Variants in TNNI3K observed in about 807,000 individuals in gnomAD.
TNNI3K encodes serine/threonine-protein kinase TNNI3K.
A neutral mutation model predicts 114.5 loss-of-function variants in TNNI3K; 140 were observed. The ratio of observed to expected loss-of-function variants is 1.22; its 90% CI spans 1.07 to 1.41. The LOEUF is 1.41. Among genes scored for constraint, TNNI3K ranks in the 40% most tolerant of loss-of-function variants. TNNI3K has a pLI of 0.00. For synonymous variants in TNNI3K, 347 were observed against 347.5 expected, an observed-to-expected ratio of 1.00 and a Z score of 0.02; for missense variants, 1,125 against 1,007.6, an observed-to-expected ratio of 1.12 and a Z score of -1.58.
At chr1:74,541,103 A>G (rs1248109794) in intron 24 of TNNI3K, among the ~76,000 whole-genome samples, 2 of 152,128 alleles carry the variant, frequency 1.3e-5, no homozygotes, top group Non-Finnish European at 2.9e-5. Context: ...TATTTGAAGG[A>G]CTGAAAAAGT....
At chr1:74,540,609 A>ATT (rs1310097538) in intron 24 of TNNI3K, among the ~76,000 whole-genome samples, 8 of 149,094 alleles carry the variant, frequency 5.4e-5, no homozygotes, top group African/African-American at 2.0e-4. Flanking sequence ...CTTTTTTTAA[A>ATT]AAAAAAAAAA....
intron 23 of TNNI3K, among the ~76,000 whole-genome samples, chr1:74,513,124 A>G (rs1467512700): frequency 6.6e-6 from 1 of 152,240 alleles, no homozygotes; most frequent in Admixed American, 6.5e-5. Flanking sequence ...CTCAGTCGAT[A>G]CTGTTTCACT....
chr1:74,507,340 C>G (rs968830034), intron 23 of TNNI3K, among the ~76,000 whole-genome samples: 2 of 151,652 alleles, frequency 1.3e-5, no homozygotes, highest in Non-Finnish European at 2.9e-5. Flanking sequence ...AGTTACCCAT[C>G]ATGTTTGCTG....
rs118074947 is a variant in TNNI3K, at chr1:74,443,912, A to G, written c.2011+4290A>G. On this transcript the variant is annotated intron_variant, in intron 20 of 24. Transcript: ENST00000326637. Reference sequence around the variant, plus strand: ...AAACAGAACTAAAGACAGAAACCTCATGATTATCTCAATAGATTCAGAAAA... The same window carrying G: ...AAACAGAACTAAAGACAGAAACCTCGTGATTATCTCAATAGATTCAGAAAA... Among the ~76,000 whole-genome samples the G allele has an allele frequency of 1.8e-4, 27 of 152,350 alleles. No homozygotes were observed. The East Asian group carries it at 4.2e-3, about 24-fold the overall frequency.
intron 21 of TNNI3K, among the ~76,000 whole-genome samples, chr1:74,473,886 C>A (rs507181): frequency 0.55 from 84,194 of 151,826 alleles, 23,565 homozygotes; most frequent in East Asian, 0.68. Flanking sequence ...GATCTAAAGT[C>A]CTCTCTACAC....
At chr1:74,484,469 A>G (rs966507707) in intron 21 of TNNI3K, among the ~76,000 whole-genome samples, 1 of 152,238 alleles carries the variant, frequency 6.6e-6, no homozygotes, top group Non-Finnish European at 1.5e-5. Context: ...AATATAAAAT[A>G]TGTATTAAGT....
intron 4 of TNNI3K, among the ~76,000 whole-genome samples, chr1:74,263,886 A>G (rs1490020844): frequency 1.3e-5 from 2 of 151,994 alleles, no homozygotes; most frequent in Non-Finnish European, 2.9e-5. Flanking sequence ...AAAAATTAGA[A>G]TATTCATTAT....
chr1:74,452,444 G>A (rs192232271), intron 20 of TNNI3K, among the ~76,000 whole-genome samples: 25 of 152,070 alleles, frequency 1.6e-4, no homozygotes, highest in African/African-American at 5.1e-4. Context: ...CTTTAGTCTC[G>A]TTTTATTTAT....
intron 5 of TNNI3K, among the ~76,000 whole-genome samples, chr1:74,301,827 G>T (rs1444815201): frequency 6.6e-6 from 1 of 152,144 alleles, no homozygotes; most frequent in Non-Finnish European, 1.5e-5. Flanking sequence ...TCCTGTGGTT[G>T]ACTAGAATAA....
chr1:74,539,028 C>T (rs1275418849), intron 23 of TNNI3K, among the ~76,000 whole-genome samples: 1 of 151,886 alleles, frequency 6.6e-6, no homozygotes, highest in African/African-American at 2.4e-5. Context: ...AAAGATCACC[C>T]TAGATAATAT....
At chr1:74,257,226 TATTAAG>T (rs1395448752) in intron 4 of TNNI3K, among the ~76,000 whole-genome samples, 10 of 152,186 alleles carry the variant, frequency 6.6e-5, no homozygotes, top group African/African-American at 2.4e-4. Flanking sequence ...GATTTTTATT[TATTAAG>T]ATTAATTAAG....
intron 20 of TNNI3K, among the ~76,000 whole-genome samples, chr1:74,451,361 A>G (rs568177309): frequency 1.2e-3 from 177 of 152,290 alleles, no homozygotes; most frequent in Non-Finnish European, 1.6e-3. Flanking sequence ...TTACTTATGT[A>G]ACAAACCTGC....
chr1:74,292,275 T>G (rs1417154589), intron 5 of TNNI3K, among the ~76,000 whole-genome samples: 1 of 151,510 alleles, frequency 6.6e-6, no homozygotes, highest in African/African-American at 2.4e-5. Context: ...TCATATAATT[T>G]CACTACTGTT....
intron 4 of TNNI3K, among the ~76,000 whole-genome samples, chr1:74,251,819 C>T (rs111581057): frequency 1.3e-5 from 2 of 152,140 alleles, no homozygotes; most frequent in African/African-American, 4.8e-5. Context: ...TAATTCATAG[C>T]GCAAATACTC....
intron 5 of TNNI3K, among the ~76,000 whole-genome samples, chr1:74,303,321 C>T (rs1658440414): frequency 6.6e-6 from 1 of 152,010 alleles, no homozygotes; most frequent in South Asian, 2.1e-4. Flanking sequence ...TGCCACCATG[C>T]CCAGATATTT....
chr1:74,340,542 T>C (rs1570487228), intron 7 of TNNI3K, among the ~76,000 whole-genome samples: 1 of 152,204 alleles, frequency 6.6e-6, no homozygotes, highest in South Asian at 2.1e-4. Context: ...CTTCAGTTGG[T>C]ATTTACATCT....
intron 17 of TNNI3K, among the ~76,000 whole-genome samples, chr1:74,422,977 C>T (rs1665470620): frequency 6.6e-6 from 1 of 152,098 alleles, no homozygotes; most frequent in Non-Finnish European, 1.5e-5. Flanking sequence ...TTGGTGGATT[C>T]ATGAGTAACC....
chr1:74,301,250 C>T (rs1440707429), intron 5 of TNNI3K, among the ~76,000 whole-genome samples: 1 of 151,694 alleles, frequency 6.6e-6, no homozygotes, highest in Non-Finnish European at 1.5e-5. Flanking sequence ...AAATACAAAA[C>T]TTAGCCAGGC....
chr1:74,538,016 GAT>G (rs1188689317), intron 23 of TNNI3K, among the ~76,000 whole-genome samples: 1 of 152,174 alleles, frequency 6.6e-6, no homozygotes, highest in East Asian at 1.9e-4. Flanking sequence ...GATAGTAAGT[GAT>G]GGTGTCAGGA....
Sources: gnomAD v4.1 joint callset for allele counts (sites outside exome capture counted in the v4.1 genomes callset) on GRCh38, gnomAD v4.1.1 for gene constraint, MANE v1.5 for transcripts, NCBI Gene and HGNC (gene_info 2026-07-23, HGNC 2026-07-21) for gene names.